SOX5: variants seen among roughly 807,000 people sequenced by gnomAD.
SOX5 encodes the protein SRY-box transcription factor 5.
A neutral mutation model predicts 92.0 loss-of-function variants in SOX5; 9 were observed. The observed-to-expected ratio is 0.10, with a 90% CI of 0.06 to 0.17. The LOEUF (loss-of-function observed/expected upper bound fraction) is 0.17, where lower values mean the gene tolerates loss of function less well. SOX5 is among the 10% of genes least tolerant of loss of function. The pLI, the probability that SOX5 is intolerant of heterozygous loss-of-function variation, is 1.00. For synonymous variants in SOX5, 344 were observed against 336.3 expected, an observed-to-expected ratio of 1.02 and a Z score of -0.25; for missense variants, 642 against 944.5, an observed-to-expected ratio of 0.68 and a Z score of 4.20.
At chr12:24,257,217 T>C (rs1469413576) in intron 3 of SOX5, among the ~76,000 whole-genome samples, 1 of 152,202 alleles carries the variant, frequency 6.6e-6, no homozygotes, top group African/African-American at 2.4e-5. Flanking sequence ...AAAAACATAA[T>C]TTCCTAATTA....
chr12:24,374,222 A>G (rs766982962), intron 1 of SOX5, among the ~76,000 whole-genome samples: 7 of 152,018 alleles, frequency 4.6e-5, no homozygotes, highest in Middle Eastern at 3.4e-3. Context: ...GAGTGGCACA[A>G]AGGAATCCGC....
intron 2 of SOX5, among the ~76,000 whole-genome samples, chr12:24,305,840 G>A (rs1370674618): frequency 6.6e-6 from 1 of 152,098 alleles, no homozygotes; most frequent in African/African-American, 2.4e-5. Flanking sequence ...CAGGCAATCT[G>A]CCTGCCTCGG....
intron 4 of SOX5, among the ~76,000 whole-genome samples, chr12:24,067,004 G>C (rs1471040996): frequency 6.6e-6 from 1 of 152,090 alleles, no homozygotes; most frequent in East Asian, 1.9e-4. Context: ...TCAATCCTCT[G>C]TTCCAAGCCC....
rs5797074 is a variant in SOX5, at chr12:24,282,531, CAA to C, written c.-173-5221_-173-5220del. ...CAAGAAGCATAAGAAAAACTAGAAA[CAA>C]AAAAAAAAAAGGTGTTGCCCAATTT... is the stretch of plus-strand genomic sequence containing the variant. On this transcript the variant is annotated intron_variant, in intron 2 of 4. Coordinates refer to the SOX5 transcript ENST00000446891. Among the ~76,000 whole-genome samples the C allele has an allele frequency of 3.9e-3, 570 of 146,210 alleles. 2 individuals carry two copies. Among genetic ancestry groups the C allele is most frequent in the African/African-American group, 1.0e-2 (400 of 40,096 alleles).
rs1953554272 is a variant in SOX5, at chr12:24,015,991, T to C, written c.-1-119967A>G. 2.6e-5 allele frequency among the ~76,000 whole-genome samples: 4 copies of C among 151,086 alleles called. 1 individual carries two copies. The highest frequency in any genetic ancestry group is 2.6e-4 in the Admixed American group (4 of 15,208). On this transcript the variant is annotated intron_variant, in intron 4 of 4. Transcript: ENST00000446891. The stretch of plus-strand genomic sequence containing the variant: ...TCCTAGGAACTGAAAGAACCATTAA[T>C]AGTAATCTCTACCTTATGTCCAAAA...
chr12:24,485,304 T>C (rs1279376510), intron 1 of SOX5, among the ~76,000 whole-genome samples: 1 of 152,230 alleles, frequency 6.6e-6, no homozygotes, highest in Non-Finnish European at 1.5e-5. Context: ...TTTTCTAGCC[T>C]TGATAATCAA....
intron 4 of SOX5, among the ~76,000 whole-genome samples, chr12:24,062,035 G>T (rs1939827706): frequency 6.6e-6 from 1 of 152,190 alleles, no homozygotes; most frequent in Admixed American, 6.5e-5. Context: ...TATTAACAAA[G>T]TTGCATCAAC....
intron 2 of SOX5, among the ~76,000 whole-genome samples, chr12:24,343,329 G>A (rs886068475): frequency 6.6e-6 from 1 of 151,954 alleles, no homozygotes. Context: ...AGAGTAAAAC[G>A]GCTTGCTCCT....
rs765990750 is a variant in SOX5 at position 23,740,984 on chromosome 12, C to T, written c.624G>A (p.Gln208=). The T allele has an allele frequency of 4.3e-6, 7 of 1,612,390 alleles. No individual in the cohort carries two copies. Among genetic ancestry groups the T allele is most frequent in the Non-Finnish European group, 5.9e-6 (7 of 1,178,790 alleles). ...ACAGCTGCTCTCGGAGGCTGGTCAGCTGGTTGATCATACCCATGAGTTGCC... is the reference window on the plus strand; with the variant it reads ...ACAGCTGCTCTCGGAGGCTGGTCAGTTGGTTGATCATACCCATGAGTTGCC... ...KERQLMGMIN[Q]LTSLREQLLA... is the part of the protein sequence containing the mutation. Residue 208 remains glutamine (Q), a synonymous_variant, in exon 5 of 15, where the codon CAG becomes CAA. Transcript: ENST00000451604.
Position 23,843,554 on chromosome 12 carries a change from C to CTTTTTTTTTTTTTTTTT in SOX5, c.481+2412_481+2428dup, listed in dbSNP as rs71059931. On this transcript the variant is annotated intron_variant, in intron 3 of 14. Transcript: ENST00000451604. ...TCAGAATATTTGACAGTCATTTCTC[C>CTTTTTTTTTTTTTTTTT]TTTTTTTTTTTTTTTTTTTTTTTTT... 1.1e-4 allele frequency among the ~76,000 whole-genome samples: 8 copies of CTTTTTTTTTTTTTTTTT among 71,332 alleles called. 1 individual carries two copies. The East Asian group carries it at 3.1e-3, about 28-fold the overall frequency. The allele number at this position is 71,332 out of a possible 152,430, so 46.8% of individuals were successfully genotyped here.
intron 6 of SOX5, among the ~76,000 whole-genome samples, chr12:23,683,718 A>G (rs1263933071): frequency 6.6e-6 from 1 of 152,028 alleles, no homozygotes; most frequent in East Asian, 1.9e-4. Flanking sequence ...AGGAAATAAT[A>G]GTATTTTAAT....
At chr12:24,123,311 C>T (rs2138361546) in intron 4 of SOX5, among the ~76,000 whole-genome samples, 1 of 152,330 alleles carries the variant, frequency 6.6e-6, no homozygotes, top group Middle Eastern at 3.4e-3. Flanking sequence ...GGTAATACTA[C>T]ACAATGTGCC....
At chr12:24,005,761 A>G (rs1952087520) in intron 4 of SOX5, among the ~76,000 whole-genome samples, 1 of 152,206 alleles carries the variant, frequency 6.6e-6, no homozygotes, top group South Asian at 2.1e-4. Context: ...TCACAGATAC[A>G]GCTGTCACCA....
At chr12:23,608,012 G>A (rs2075456738) in intron 8 of SOX5, among the ~76,000 whole-genome samples, 1 of 148,062 alleles carries the variant, frequency 6.8e-6, no homozygotes, top group Non-Finnish European at 1.5e-5. Flanking sequence ...GCTCACACCT[G>A]TAACCTCAGC....
intron 1 of SOX5, among the ~76,000 whole-genome samples, chr12:23,907,812 AT>A (rs2097309730): frequency 6.6e-6 from 1 of 152,112 alleles, no homozygotes; most frequent in East Asian, 1.9e-4. Context: ...TGCATCCTCT[AT>A]AAAAAAATCA....
At chr12:24,316,028 A>G (rs989888309) in intron 2 of SOX5, among the ~76,000 whole-genome samples, 2 of 152,204 alleles carry the variant, frequency 1.3e-5, no homozygotes, top group African/African-American at 4.8e-5. Flanking sequence ...CTGTGAAGCT[A>G]CCTCAAAAGC....
At chr12:23,831,957 TACACACAC>T (rs61053165) in intron 3 of SOX5, among the ~76,000 whole-genome samples, 2 of 142,732 alleles carry the variant, frequency 1.4e-5, no homozygotes, top group African/African-American at 2.7e-5. Context: ...AAAGGGGAAC[TACACACAC>T]ACACACACAC....
chr12:23,729,373 T>C (rs1002121473), intron 6 of SOX5, among the ~76,000 whole-genome samples: 3 of 152,162 alleles, frequency 2.0e-5, no homozygotes, highest in Admixed American at 6.6e-5. Context: ...TTTAAAAAAC[T>C]ATTCAACATA....
intron 1 of SOX5, among the ~76,000 whole-genome samples, chr12:24,401,649 G>A (rs900910909): frequency 7.0e-6 from 1 of 143,450 alleles, no homozygotes; most frequent in African/African-American, 2.6e-5. Context: ...GTTGGAAGAT[G>A]CAGTGGCACA....
Sources: allele counts gnomAD v4.1 joint callset (sites outside exome capture counted in the v4.1 genomes callset), GRCh38; gene constraint gnomAD v4.1.1; transcripts MANE v1.5; gene names NCBI Gene and HGNC (gene_info 2026-07-23, HGNC 2026-07-21).